CFAP77: variants seen among roughly 807,000 people sequenced by gnomAD.
CFAP77 encodes cilia- and flagella-associated protein 77.
CFAP77 carries 25 observed loss-of-function variants against 31.1 expected under a neutral mutation model. The observed-to-expected ratio is 0.80, with a 90% CI of 0.59 to 1.12. The LOEUF is 1.12. Ranked by LOEUF, CFAP77 falls within the 50% of genes most tolerant of loss-of-function variation. The pLI is 0.00. For synonymous variants in CFAP77, 151 were observed against 159.9 expected (o/e 0.94, Z 0.42); for missense variants, 377 against 397.3 (o/e 0.95, Z 0.44).
chr9:132,454,955 A>G, intron 1 of CFAP77, among the ~76,000 whole-genome samples: 1 of 152,318 alleles, frequency 6.6e-6, no homozygotes, highest in East Asian at 1.9e-4. Context: ...GTGATCACTT[A>G]GACCATCCCA....
chr9:132,466,709 G>A (rs956471735), intron 1 of CFAP77, among the ~76,000 whole-genome samples: 1 of 152,164 alleles, frequency 6.6e-6, no homozygotes, highest in Non-Finnish European at 1.5e-5. Flanking sequence ...GCTTCCTCCA[G>A]AAGCCTGTCT....
In CFAP77 at chr9:132,545,134, C is replaced by T. The variant is rs1852712137; in HGVS notation, c.732+2087C>T. 1.3e-5 allele frequency among the ~76,000 whole-genome samples: 2 copies of T among 152,120 alleles called. No individual in the cohort carries two copies. Among genetic ancestry groups the T allele is most frequent in the African/African-American group, 4.8e-5 (2 of 41,360 alleles). On this transcript the variant is annotated intron_variant, in intron 5 of 5. Transcript: ENST00000393216. The surrounding 1 kb of genome is among the most constrained non-coding windows in gnomAD (Gnocchi z 4.6). ...TGCACATAGAATGAGTTTCCATTTT[C>T]CAAAGAGGGGATTTGACTCAGCTGA...
intron 4 of CFAP77, 44 bp from the exon 5 acceptor site, chr9:132,542,902 G>A: frequency 5.3e-6 from 8 of 1,498,882 alleles, no homozygotes; most frequent in Non-Finnish European, 7.4e-6. Flanking sequence ...CCTTCTCCAA[G>A]TAGCCGGGCA....
chr9:132,570,188 T>G (rs759545739), intron 5 of CFAP77, among the ~76,000 whole-genome samples: 10 of 152,352 alleles, frequency 6.6e-5, no homozygotes, highest in Non-Finnish European at 1.2e-4. Flanking sequence ...TTCTCTCTTC[T>G]CAGTGTGTCT....
intron 1 of CFAP77, among the ~76,000 whole-genome samples, chr9:132,430,340 A>AT (rs1189312809): frequency 6.6e-6 from 1 of 152,018 alleles, no homozygotes; most frequent in Non-Finnish European, 1.5e-5. Context: ...TTTTGATCCA[A>AT]TCTCCTCATT....
At chr9:132,523,526 T>C (rs1315212659) in intron 3 of CFAP77, among the ~76,000 whole-genome samples, 1 of 152,234 alleles carries the variant, frequency 6.6e-6, no homozygotes, top group Non-Finnish European at 1.5e-5. Flanking sequence ...CTTCATTCTT[T>C]TTGGCAGCTG....
intron 1 of CFAP77, among the ~76,000 whole-genome samples, chr9:132,470,706 G>A (rs917214127): frequency 1.7e-4 from 26 of 152,340 alleles, no homozygotes; most frequent in Admixed American, 1.0e-3. Context: ...TTGTGCGCCC[G>A]TTTAAAAGAT....
At chr9:132,494,852 T>C (rs1851714982) in intron 1 of CFAP77, among the ~76,000 whole-genome samples, 1 of 152,222 alleles carries the variant, frequency 6.6e-6, no homozygotes, top group South Asian at 2.1e-4. Context: ...ATTTTGCTCA[T>C]TTTTTTCTGT....
In CFAP77 at chr9:132,410,250, C is replaced by T. The variant is rs776530972; in HGVS notation, c.-22C>T. The T allele has an allele frequency of 1.3e-6, 2 of 1,539,734 alleles. No homozygotes were observed. Among genetic ancestry groups the T allele is most frequent in the Non-Finnish European group, 1.7e-6 (2 of 1,145,708 alleles). On this transcript the variant is annotated 5_prime_UTR_variant, in exon 1 of 6. Transcript: ENST00000393216. ...AGCGCGCCCAAACCAGCCCGCGGGC[C>T]GGCTCCCCGGCGACCTCAAGGATGC...
intron 1 of CFAP77, among the ~76,000 whole-genome samples, chr9:132,479,399 T>A (rs1183871358): frequency 2.0e-5 from 3 of 152,068 alleles, no homozygotes; most frequent in African/African-American, 7.2e-5. Flanking sequence ...CCACAGAGTT[T>A]CCAGTTTTCA....
intron 1 of CFAP77, among the ~76,000 whole-genome samples, chr9:132,463,036 G>A (rs1035164807): frequency 6.6e-6 from 1 of 152,034 alleles, no homozygotes; most frequent in African/African-American, 2.4e-5. Flanking sequence ...AGAGTGGGCT[G>A]GATAGCAGGA....
chr9:132,435,342 AAG>A (rs1724009730), intron 1 of CFAP77, among the ~76,000 whole-genome samples: 1 of 152,198 alleles, frequency 6.6e-6, no homozygotes. Flanking sequence ...GAGAGAGAAA[AAG>A]AGAGAGATTT....
intron 5 of CFAP77, among the ~76,000 whole-genome samples, chr9:132,568,945 C>T (rs1829921975): frequency 6.6e-6 from 1 of 152,168 alleles, no homozygotes; most frequent in South Asian, 2.1e-4. Context: ...AGCAATCCAC[C>T]TACCTTGGCC....
In CFAP77 at chr9:132,482,302, T is replaced by C. The variant is rs200223667; in HGVS notation, c.196-16393T>C. 40 of 1,610,888 alleles carry C rather than the reference T, an allele frequency of 2.5e-5. No individual in the cohort carries two copies. The East Asian group carries it at 5.8e-4, about 23-fold the overall frequency. On this transcript the variant is annotated intron_variant, in intron 1 of 5. Transcript: ENST00000393216. Reference sequence around the variant, plus strand: ...AATGATCAAGTGGACTCTGCATTTCTTTCGTAGGCTGCCGGCCCGGCCTCG... The same window carrying C: ...AATGATCAAGTGGACTCTGCATTTCCTTCGTAGGCTGCCGGCCCGGCCTCG...
chr9:132,434,132 C>T (rs1850464019), intron 1 of CFAP77, among the ~76,000 whole-genome samples: 1 of 151,762 alleles, frequency 6.6e-6, no homozygotes. Flanking sequence ...GAGCAAGACC[C>T]TATCTCGAAA....
At chr9:132,436,088 C>T (rs548026766) in intron 1 of CFAP77, among the ~76,000 whole-genome samples, 30 of 152,222 alleles carry the variant, frequency 2.0e-4, no homozygotes, top group African/African-American at 5.3e-4. Flanking sequence ...TGGCTGCCAT[C>T]GCAAGTCACA....
chr9:132,494,596 G>A (rs1851709062), intron 1 of CFAP77, among the ~76,000 whole-genome samples: 1 of 152,218 alleles, frequency 6.6e-6, no homozygotes, highest in African/African-American at 2.4e-5. Context: ...TCTGCTGGAT[G>A]TCCAGGATGG....
intron 5 of CFAP77, among the ~76,000 whole-genome samples, chr9:132,571,506 TA>T (rs1226458601): frequency 1.1e-4 from 16 of 152,164 alleles, no homozygotes; most frequent in Non-Finnish European, 2.2e-4. Flanking sequence ...TCCACGAGGG[TA>T]GAGCCGAGTC....
At chr9:132,503,663 T>C (rs1348173675) in intron 3 of CFAP77, among the ~76,000 whole-genome samples, 1 of 152,206 alleles carries the variant, frequency 6.6e-6, no homozygotes, top group East Asian at 1.9e-4. Flanking sequence ...ACTATCCAAC[T>C]GAGGCAGGCA....
Sources: allele counts gnomAD v4.1 joint callset (sites outside exome capture counted in the v4.1 genomes callset), GRCh38; gene constraint gnomAD v4.1.1; non-coding constraint Gnocchi (gnomAD v3.1); transcripts MANE v1.5; gene names NCBI Gene and HGNC (gene_info 2026-07-23, HGNC 2026-07-21).